The following SNX29 variants were observed in gnomAD, a reference collection of about 807,000 sequenced individuals.
SNX29 encodes sorting nexin-29.
A neutral mutation model predicts 102.1 loss-of-function variants in SNX29; 78 were observed. The ratio of observed to expected loss-of-function variants is 0.76; its 90% CI spans 0.64 to 0.92. The LOEUF is 0.92. SNX29 is among the 40% of genes least tolerant of loss of function. The probability of loss-of-function intolerance (pLI) is 0.00; values close to 1 mark genes in which losing one functional copy is unlikely to be tolerated. For missense variants in SNX29, 1,280 were observed against 1,061.7 expected (o/e 1.21, Z -2.86); for synonymous variants, 580 against 414.5 (o/e 1.40, Z -4.85).
At chr16:11,993,197 A>ATAAT (rs1567503362) in intron 1 of SNX29, among the ~76,000 whole-genome samples, 2 of 151,464 alleles carry the variant, frequency 1.3e-5, no homozygotes, top group Non-Finnish European at 2.9e-5. Flanking sequence ...AAATAAATAA[A>ATAAT]TATCTGTGTG....
chr16:12,018,359 C>T (rs1341064802), intron 3 of SNX29, among the ~76,000 whole-genome samples: 2 of 151,420 alleles, frequency 1.3e-5, no homozygotes, highest in African/African-American at 2.4e-5. Context: ...AGGTGGATCA[C>T]GAGGTCAGGA....
At chr16:12,528,189 A>G (rs1177815405) in intron 20 of SNX29, among the ~76,000 whole-genome samples, 1 of 151,994 alleles carries the variant, frequency 6.6e-6, no homozygotes, top group Non-Finnish European at 1.5e-5. Context: ...GTCAGATAAA[A>G]AAATCCAGAC....
At chr16:12,258,791 G>T (rs2078649239) in intron 14 of SNX29, among the ~76,000 whole-genome samples, 1 of 152,100 alleles carries the variant, frequency 6.6e-6, no homozygotes, top group African/African-American at 2.4e-5. Context: ...TGAATCAGAC[G>T]TCTCCTCTGT....
chr16:12,233,573 C>T (rs1017887616), intron 14 of SNX29, among the ~76,000 whole-genome samples: 8 of 152,072 alleles, frequency 5.3e-5, no homozygotes, highest in Non-Finnish European at 1.2e-4. Flanking sequence ...TCACTTGTAC[C>T]CCCGAATCTG....
chr16:12,044,206 A>T (rs1174474618), intron 5 of SNX29, among the ~76,000 whole-genome samples: 1 of 152,200 alleles, frequency 6.6e-6, no homozygotes, highest in Non-Finnish European at 1.5e-5. Context: ...ATTTCACTGA[A>T]TTCCGTAAGT....
intron 3 of SNX29, among the ~76,000 whole-genome samples, chr16:12,018,597 AG>A (rs1345734310): frequency 7.3e-5 from 11 of 151,652 alleles, no homozygotes; most frequent in African/African-American, 2.7e-4. Flanking sequence ...AAAAAAAAAA[AG>A]AAAGATATAT....
intron 11 of SNX29, among the ~76,000 whole-genome samples, chr16:12,084,669 G>A (rs2052073638): frequency 6.6e-6 from 1 of 152,126 alleles, no homozygotes; most frequent in Admixed American, 6.5e-5. Flanking sequence ...AGCCCCCTCA[G>A]TACCGTGTCC....
Position 12,096,532 on chromosome 16 carries a change from C to A in SNX29, c.1402+17617C>A, listed in dbSNP as rs2052774531. On this transcript the variant is annotated intron_variant, in intron 11 of 20. Coordinates refer to ENST00000566228, the MANE Select transcript of SNX29 (RefSeq NM_032167.5). This position sits in a 1 kb window ranked among gnomAD's most constrained non-coding sequence, Gnocchi z 4.2. ...ACACAGAGAGTGCTTTGACATTGCG[C>A]TCAGCACTCAGGAGATGTTAGCTCT... is the stretch of plus-strand genomic sequence containing the variant. Among the ~76,000 whole-genome samples, 1 of 152,218 alleles carries A rather than the reference C, an allele frequency of 6.6e-6. No homozygotes were observed.
intron 13 of SNX29, among the ~76,000 whole-genome samples, chr16:12,174,630 T>C (rs2076220564): frequency 6.6e-6 from 1 of 152,214 alleles, no homozygotes; most frequent in African/African-American, 2.4e-5. Flanking sequence ...TCACCAGTTT[T>C]CAAGGCAGCA....
chr16:12,450,889 C>T lies in SNX29; in HGVS notation c.2038-26830C>T, dbSNP rs146715988. On this transcript the variant is annotated intron_variant, in intron 18 of 20. Transcript: ENST00000566228. ...GCAGGAGTGGAGAAAACCCAGAACA[C>T]ATGAGGAGGTAGAAGTGCCTGGACT... is the stretch of plus-strand genomic sequence containing the variant. Among the ~76,000 whole-genome samples the T allele has an allele frequency of 5.9e-3, 900 of 152,204 alleles. 10 individuals carry two copies. Among genetic ancestry groups the T allele is most frequent in the African/African-American group, 0.021 (862 of 41,534 alleles).
At chr16:12,464,223 C>T (rs909839193) in intron 18 of SNX29, among the ~76,000 whole-genome samples, 3 of 110,354 alleles carry the variant, frequency 2.7e-5, no homozygotes, top group African/African-American at 1.4e-4. Context: ...GAATATTATT[C>T]CATGGCGTGT....
At chr16:12,023,856 C>A (rs746275793) in intron 3 of SNX29, among the ~76,000 whole-genome samples, 7 of 152,160 alleles carry the variant, frequency 4.6e-5, no homozygotes, top group Non-Finnish European at 1.0e-4. Flanking sequence ...CACCTGGATT[C>A]AAATGACCGT....
intron 13 of SNX29, among the ~76,000 whole-genome samples, chr16:12,140,955 CT>C (rs1343932350): frequency 2.0e-4 from 31 of 152,244 alleles, no homozygotes; most frequent in African/African-American, 7.2e-4. Flanking sequence ...GTATAACACT[CT>C]AATATGAAAG....
In SNX29 at chr16:12,247,250, A is replaced by T. The variant is rs183397519; in HGVS notation, c.1679-30683A>T. Among the ~76,000 whole-genome samples, 181 of 152,186 alleles carry T rather than the reference A, an allele frequency of 1.2e-3. 1 individual carries two copies. The highest frequency in any genetic ancestry group is 4.2e-3 in the African/African-American group (176 of 41,516). On this transcript the variant is annotated intron_variant, in intron 14 of 20. Transcript: ENST00000566228. ...ATGGAGGCTGGCTCTTCAGGTGGAG[A>T]TGATGGGAATTAAAATAAGTTCAAA...
intron 20 of SNX29, among the ~76,000 whole-genome samples, chr16:12,564,208 G>A (rs1277970726): frequency 2.2e-5 from 3 of 137,564 alleles, no homozygotes; most frequent in African/African-American, 8.5e-5. Flanking sequence ...GGCACCATAG[G>A]GAGACCCCCA....
In SNX29 at chr16:12,356,251, G is replaced by T. The variant is rs1258557336; in HGVS notation, c.1871G>T (p.Arg624Met). 1.2e-6 allele frequency: 2 copies of T among 1,611,668 alleles called. No individual in the cohort carries two copies. The highest frequency in any genetic ancestry group is 4.5e-5 in the East Asian group (2 of 44,792). Reference protein sequence around the residue: ...VAKEALVSQMRQELIDLRGPV... With the variant: ...VAKEALVSQMMQELIDLRGPV... The stretch of plus-strand genomic sequence containing the variant: ...AAGGAAGCCCTCGTGTCCCAGATGA[G>T]GCAGGAGCTCATCGATCTCCGGGGA... The change falls in exon 16 of 21, where the codon AGG becomes ATG. Residue 624 changes from arginine to methionine, a missense_variant. Arg to Met is a moderately conservative substitution (Grantham distance 91, BLOSUM62 -1). Coordinates refer to ENST00000566228, the MANE Select transcript of SNX29 (RefSeq NM_032167.5).
At chr16:12,251,003 C>T (rs2078404396) in intron 14 of SNX29, among the ~76,000 whole-genome samples, 2 of 152,242 alleles carry the variant, frequency 1.3e-5, no homozygotes, top group African/African-American at 4.8e-5. Flanking sequence ...TCCACGATGG[C>T]CCCCTTCTTC....
At chr16:12,051,808 C>A (rs1460582010) in intron 7 of SNX29, 39 bp from the exon 8 acceptor site, 20 of 1,588,148 alleles carry the variant, frequency 1.3e-5, no homozygotes, top group Non-Finnish European at 9.4e-6. Flanking sequence ...GTCTTGCCTC[C>A]TTTTTCTTAT....
In SNX29 at chr16:11,992,835, G is replaced by A. The variant is rs555925911; in HGVS notation, c.8-6462G>A. Among the ~76,000 whole-genome samples the A allele has an allele frequency of 8.5e-5, 13 of 152,226 alleles. No individual in the cohort carries two copies. The South Asian group carries it at 1.0e-3, about 12-fold the overall frequency. ...TGTCTAGCATGACGTCACCTCCACCGCTGCATGGAGAGACAGCGAAATACC... is the reference window on the plus strand; with the variant it reads ...TGTCTAGCATGACGTCACCTCCACCACTGCATGGAGAGACAGCGAAATACC... On this transcript the variant is annotated intron_variant, in intron 1 of 20. Transcript: ENST00000566228.
Sources: gnomAD v4.1 joint callset for allele counts (sites outside exome capture counted in the v4.1 genomes callset) on GRCh38, gnomAD v4.1.1 for gene constraint, Gnocchi (gnomAD v3.1) non-coding constraint, MANE v1.5 for transcripts, NCBI Gene and HGNC (gene_info 2026-07-23, HGNC 2026-07-21) for gene names.